Variants in CNNM4 observed in about 807,000 individuals in gnomAD.
CNNM4 encodes metal transporter CNNM4.
Under a neutral mutation model 53.7 loss-of-function variants are expected in CNNM4, and 32 were observed. The ratio of observed to expected loss-of-function variants is 0.60; its 90% confidence interval spans 0.45 to 0.80. The LOEUF is 0.80. Ranked by LOEUF, CNNM4 falls within the 30% of genes least tolerant of loss-of-function variation. The pLI is 0.00. For synonymous variants in CNNM4, 410 were observed against 440.0 expected, an observed-to-expected ratio of 0.93 and a Z score of 0.85; for missense variants, 784 against 1,022.0, an observed-to-expected ratio of 0.77 and a Z score of 3.17.
intron 5 of CNNM4, among the ~76,000 whole-genome samples, chr2:96,804,127 T>G (rs1034277021): frequency 6.6e-6 from 1 of 151,466 alleles, no homozygotes; most frequent in African/African-American, 2.4e-5. Context: ...GGTCTCAAAC[T>G]CCTAGACTTC....
At chr2:96,785,885 A>C (rs1330416300) in intron 1 of CNNM4, among the ~76,000 whole-genome samples, 1 of 152,046 alleles carries the variant, frequency 6.6e-6, no homozygotes, top group African/African-American at 2.4e-5. Context: ...CAGGAGATCC[A>C]GACCATCCTA....
chr2:96,799,861 G>A (rs1413567784), intron 5 of CNNM4, among the ~76,000 whole-genome samples: 1 of 152,210 alleles, frequency 6.6e-6, no homozygotes, highest in Non-Finnish European at 1.5e-5. Context: ...GAAGCTGGAG[G>A]GGAAAAGAGG....
At chr2:96,767,728 C>T (rs563563056) in intron 1 of CNNM4, among the ~76,000 whole-genome samples, 3 of 152,270 alleles carry the variant, frequency 2.0e-5, no homozygotes, top group Non-Finnish European at 2.9e-5. Context: ...TACTCCTCCT[C>T]TCAGCAAGGT....
chr2:96,767,085 A>G (rs1440406276), intron 1 of CNNM4, among the ~76,000 whole-genome samples: 1 of 152,090 alleles, frequency 6.6e-6, no homozygotes, highest in African/African-American at 2.4e-5. Flanking sequence ...ATGAGTCATG[A>G]ATGTGCTCCT....
rs569387682 is a variant in CNNM4, at chr2:96,808,639, C to T, written c.2027C>T (p.Ala676Val). The T allele has an allele frequency of 1.2e-6, 2 of 1,614,234 alleles. 1 individual carries two copies. Among genetic ancestry groups the T allele is most frequent in the African/African-American group, 2.7e-5 (2 of 75,064 alleles). The change falls in exon 6 of 7, where the codon GCA becomes GTA. Residue 676 changes from alanine (A) to valine (V), a missense_variant. By Grantham distance (64) the Ala-to-Val change is moderately conservative. Around this residue, in one of 3 missense-constraint regions of CNNM4, gnomAD observed 307 missense variants for 376.3 expected, o/e 0.82. Transcript: ENST00000377075. The surrounding 1 kb of genome is among the most constrained non-coding windows in gnomAD (Gnocchi z 4.9). The stretch of plus-strand genomic sequence containing the variant: ...CCAGACCGCACAGACGTCTCAACTG[C>T]AGCAACCTTGGCAGGCAGCAGCAAC... ...SYPDRTDVST[A>V]ATLAGSSNQF...
chr2:96,805,533 A>G (rs2079196541), intron 5 of CNNM4, among the ~76,000 whole-genome samples: 1 of 123,762 alleles, frequency 8.1e-6, no homozygotes, highest in African/African-American at 3.1e-5. Flanking sequence ...TAGTGGAGGG[A>G]AGGTCAGCAG....
intron 5 of CNNM4, among the ~76,000 whole-genome samples, chr2:96,802,827 G>A (rs756457895): frequency 2.1e-4 from 32 of 152,110 alleles, no homozygotes; most frequent in Admixed American, 1.7e-3. Flanking sequence ...CCGGGGAGTC[G>A]GTGGGAATAG....
intron 1 of CNNM4, among the ~76,000 whole-genome samples, chr2:96,792,942 C>T (rs2079074501): frequency 1.3e-5 from 2 of 152,184 alleles, no homozygotes; most frequent in South Asian, 2.1e-4. Context: ...GTATTAGTGA[C>T]GTCAGGCAGC....
At chr2:96,790,400 G>A (rs1176941432) in intron 1 of CNNM4, among the ~76,000 whole-genome samples, 3 of 151,418 alleles carry the variant, frequency 2.0e-5, no homozygotes, top group Non-Finnish European at 4.4e-5. Flanking sequence ...TGTTGCCCAG[G>A]CTGGAGTGCA....
At chr2:96,768,366 T>A (rs904483435) in intron 1 of CNNM4, among the ~76,000 whole-genome samples, 4 of 152,134 alleles carry the variant, frequency 2.6e-5, no homozygotes, top group Non-Finnish European at 5.9e-5. Flanking sequence ...CAGAGATGAA[T>A]AAAACTGCCC....
intron 1 of CNNM4, among the ~76,000 whole-genome samples, chr2:96,790,006 T>A (rs970571915): frequency 8.4e-6 from 1 of 119,310 alleles, no homozygotes; most frequent in African/African-American, 3.2e-5. Flanking sequence ...GGCTAGAATT[T>A]TTTTTTTTTT....
chr2:96,793,409 T>C (rs1462507079), intron 1 of CNNM4, among the ~76,000 whole-genome samples: 1 of 152,192 alleles, frequency 6.6e-6, no homozygotes. Flanking sequence ...CTGGAACCTC[T>C]GTACGGAACC....
At position 96,772,428 on chromosome 2, in the gene CNNM4, A is replaced by G. The variant is rs556027732; in HGVS notation, c.1402+10027A>G. 1.6e-4 allele frequency among the ~76,000 whole-genome samples: 19 copies of G among 120,014 alleles called. No individual in the cohort carries two copies. In the South Asian group the frequency reaches 4.4e-3, roughly 28 times the overall value. The allele number at this position is 120,014 out of a possible 152,430, so 78.7% of individuals were successfully genotyped here. On this transcript the variant is annotated intron_variant, in intron 1 of 6. Coordinates refer to ENST00000377075, the MANE Select transcript of CNNM4 (RefSeq NM_020184.4). ...TAGGCACAGGCAGGCGCTCACACAC[A>G]CATGCGCACACACACTCATACCCCC...
At chr2:96,807,752 G>A (rs116558052) in intron 5 of CNNM4, among the ~76,000 whole-genome samples, 1,797 of 152,028 alleles carry the variant, frequency 0.012, 31 homozygotes, top group African/African-American at 0.04. Flanking sequence ...AAGGTGTGAC[G>A]GGGCATCTTA....
chr2:96,792,711 G>A (rs2153348469), intron 1 of CNNM4, among the ~76,000 whole-genome samples: 1 of 152,242 alleles, frequency 6.6e-6, no homozygotes, highest in East Asian at 1.9e-4. Flanking sequence ...GGCTGAGGCA[G>A]GAGAATCCCT....
chr2:96,782,073 C>T (rs979901766), intron 1 of CNNM4, among the ~76,000 whole-genome samples: 1 of 152,050 alleles, frequency 6.6e-6, no homozygotes, highest in Non-Finnish European at 1.5e-5. Context: ...ATTGTATAAC[C>T]GGAGTAGAAC....
At chr2:96,799,689 C>T (rs1238231845) in intron 5 of CNNM4, 41 bp downstream of exon 5, 1 of 1,472,304 alleles carries the variant, frequency 6.8e-7, no homozygotes, top group East Asian at 2.5e-5. Context: ...TTTGGCCCCC[C>T]TGCAGCTGGG....
chr2:96,764,057 A>G (rs2078790732), intron 1 of CNNM4, among the ~76,000 whole-genome samples: 1 of 151,308 alleles, frequency 6.6e-6, no homozygotes, highest in Non-Finnish European at 1.5e-5. Context: ...CCTCCAGGGC[A>G]ACTTCCTCCT....
intron 1 of CNNM4, among the ~76,000 whole-genome samples, chr2:96,768,807 G>A (rs986070057): frequency 6.6e-6 from 1 of 152,186 alleles, no homozygotes; most frequent in Non-Finnish European, 1.5e-5. Flanking sequence ...GGTGTGGCCC[G>A]AGAGTCTGCA....
Sources: allele counts gnomAD v4.1 joint callset (sites outside exome capture counted in the v4.1 genomes callset), GRCh38; gene constraint gnomAD v4.1.1; regional missense constraint gnomAD v4.1.1; non-coding constraint Gnocchi (gnomAD v3.1); transcripts MANE v1.5; gene names NCBI Gene and HGNC (gene_info 2026-07-23, HGNC 2026-07-21).